Variants in UGT3A2 observed in about 807,000 individuals in gnomAD.
UGT3A2 encodes UDP glycosyltransferase family 3 member A2, also known as UDP-glycosyltransferase 3A2.
UGT3A2 carries 32 observed loss-of-function variants against 39.8 expected under a neutral mutation model. The ratio of observed to expected loss-of-function variants is 0.80; its 90% CI spans 0.61 to 1.08. UGT3A2 has a LOEUF of 1.08. Ranked by LOEUF, UGT3A2 falls within the 50% of genes least tolerant of loss-of-function variation. The pLI is 0.00. For synonymous variants in UGT3A2, 241 were observed against 230.7 expected, an observed-to-expected ratio of 1.04 and a Z score of -0.40; for missense variants, 611 against 637.1, an observed-to-expected ratio of 0.96 and a Z score of 0.44.
chr5:36,055,232 T>TTTTG (rs377128182), intron 2 of UGT3A2, among the ~76,000 whole-genome samples: 101,537 of 151,086 alleles, frequency 0.67, 35,257 homozygotes, highest in Non-Finnish European at 0.75. Flanking sequence ...GCAGTTTGTT[T>TTTTG]TTTTTTTTCT....
chr5:36,054,927 T>G (rs1742457718), intron 2 of UGT3A2, among the ~76,000 whole-genome samples: 1 of 151,952 alleles, frequency 6.6e-6, no homozygotes, highest in Non-Finnish European at 1.5e-5. Context: ...ATCTGGGGAG[T>G]TCAACAGCCC....
intron 1 of UGT3A2, among the ~76,000 whole-genome samples, chr5:36,065,519 G>A (rs1371621105): frequency 6.6e-6 from 1 of 152,138 alleles, no homozygotes; most frequent in Non-Finnish European, 1.5e-5. Context: ...TGGAGCCTGA[G>A]GAAGGAGGGC....
At position 36,040,892 on chromosome 5, in the gene UGT3A2, C is replaced by T. The variant is rs550209483; in HGVS notation, c.844-1184G>A. On this transcript the variant is annotated intron_variant, in intron 4 of 6. Transcript: ENST00000282507. ...GCAGCTCAGAGCTCCAGGAGAGACT[C>T]CTTCCTCCAGGAGAGGAGAGGGAAG... is the stretch of plus-strand genomic sequence containing the variant. Among the ~76,000 whole-genome samples, 8 of 152,008 alleles carry T rather than the reference C, an allele frequency of 5.3e-5. No homozygotes were observed. In the South Asian group the frequency reaches 1.7e-3, roughly 32 times the overall value.
intron 2 of UGT3A2, among the ~76,000 whole-genome samples, chr5:36,060,039 C>T (rs1742638648): frequency 6.6e-6 from 1 of 152,188 alleles, no homozygotes; most frequent in African/African-American, 2.4e-5. Flanking sequence ...GTCACACTCA[C>T]ATCAACCCCC....
intron 2 of UGT3A2, among the ~76,000 whole-genome samples, chr5:36,057,517 TTCTC>T (rs148807603): frequency 0.047 from 7,021 of 149,754 alleles, 225 homozygotes; most frequent in East Asian, 0.12. Context: ...TTTCAGTAGT[TTCTC>T]TCTCTCTCTC....
intron 3 of UGT3A2, among the ~76,000 whole-genome samples, chr5:36,050,724 T>C (rs1490447567): frequency 1.3e-5 from 2 of 152,114 alleles, no homozygotes; most frequent in African/African-American, 4.8e-5. Flanking sequence ...TAGCTGGGCA[T>C]GGTGGCACAC....
intron 3 of UGT3A2, among the ~76,000 whole-genome samples, chr5:36,051,110 G>A (rs1021414257): frequency 5.9e-5 from 9 of 152,170 alleles, no homozygotes; most frequent in African/African-American, 2.2e-4. Flanking sequence ...AGAACGTGGT[G>A]TTCCAGCTTG....
At chr5:36,066,080 A>G (rs1742870352) in intron 1 of UGT3A2, among the ~76,000 whole-genome samples, 1 of 152,210 alleles carries the variant, frequency 6.6e-6, no homozygotes, top group Non-Finnish European at 1.5e-5. Flanking sequence ...AGGTAAAAGG[A>G]AAGATACTCC....
intron 2 of UGT3A2, 138 bp from the exon 3 acceptor site, chr5:36,052,122 C>T (rs985077303): frequency 3.0e-5 from 18 of 608,282 alleles, no homozygotes; most frequent in African/African-American, 1.3e-4. Context: ...TTAATGTATG[C>T]GTTTATTTAT....
intron 2 of UGT3A2, among the ~76,000 whole-genome samples, chr5:36,060,563 G>T (rs1742660557): frequency 6.6e-6 from 1 of 152,196 alleles, no homozygotes; most frequent in African/African-American, 2.4e-5. Flanking sequence ...AAGCTCAGCG[G>T]CTGCCTTTGC....
chr5:36,040,006 T>G (rs1178658100), intron 4 of UGT3A2, among the ~76,000 whole-genome samples: 1 of 152,110 alleles, frequency 6.6e-6, no homozygotes, highest in Non-Finnish European at 1.5e-5. Flanking sequence ...GAGGTAATAG[T>G]ATCTGGAAGA....
intron 3 of UGT3A2, among the ~76,000 whole-genome samples, chr5:36,051,155 T>C (rs1482926269): frequency 6.6e-6 from 1 of 152,068 alleles, no homozygotes; most frequent in Non-Finnish European, 1.5e-5. Flanking sequence ...AAAGTCAGAT[T>C]TGAGCACTAC....
intron 2 of UGT3A2, 22 bp downstream of exon 2, chr5:36,064,227 C>A: frequency 1.2e-6 from 2 of 1,608,722 alleles, no homozygotes; most frequent in South Asian, 1.1e-5. Context: ...TAGGAGAAAT[C>A]AAGAAAAGTG....
chr5:36,039,032 G>A (rs1050199383), intron 5 of UGT3A2, among the ~76,000 whole-genome samples: 3 of 152,220 alleles, frequency 2.0e-5, no homozygotes, highest in African/African-American at 7.2e-5. Flanking sequence ...AAGAGGATGT[G>A]TCCATATTTA....
Position 36,066,878 on chromosome 5 carries a change from G to A in UGT3A2, c.-89C>T, listed in dbSNP as rs949248364. 4.1e-6 allele frequency: 6 copies of A among 1,474,832 alleles called. No homozygotes were observed. The African/African-American group carries it at 8.3e-5, about 21-fold the overall frequency. The allele number at this position is 1,474,832 out of a possible 1,614,324, so 91.4% of individuals were successfully genotyped here. ...CCCTGTGCACCTCAGTGCGCCAAAG[G>A]CACTGGCTGTGGGTAGAGGTAGGAG... On this transcript the variant is annotated 5_prime_UTR_variant, in exon 1 of 7. Transcript: ENST00000282507.
intron 2 of UGT3A2, among the ~76,000 whole-genome samples, chr5:36,058,072 C>T (rs921020): frequency 0.71 from 108,362 of 152,108 alleles, 39,724 homozygotes; most frequent in Non-Finnish European, 0.8. Flanking sequence ...CTCAAAAAGA[C>T]ATTTGTATAC....
At chr5:36,039,050 A>C (rs938895061) in intron 5 of UGT3A2, among the ~76,000 whole-genome samples, 2 of 152,194 alleles carry the variant, frequency 1.3e-5, no homozygotes, top group African/African-American at 4.8e-5. Context: ...TTATGTGTGG[A>C]TGTGTGTTTG....
intron 2 of UGT3A2, among the ~76,000 whole-genome samples, chr5:36,053,637 A>G (rs1742418737): frequency 6.6e-6 from 1 of 152,124 alleles, no homozygotes; most frequent in Non-Finnish European, 1.5e-5. Flanking sequence ...TCAGTTTCCT[A>G]TTGCTGCTTT....
rs1741876490 is a variant in UGT3A2 at position 36,037,809 on chromosome 5, A to G, written c.1283T>C (p.Met428Thr). The change falls in exon 6 of 7, where the codon ATG becomes ACG. Residue 428 changes from methionine (M) to threonine (T), a missense_variant. Transcript: ENST00000282507. Reference sequence around the variant, plus strand: ...AGGAGCTGCATACCTCTTGTCTTCCATGATTTGTTTCATCTTAAGAGCCAA... The same window carrying G: ...AGGAGCTGCATACCTCTTGTCTTCCGTGATTTGTTTCATCTTAAGAGCCAA... ...ETLALKMKQIMEDKRYKSAAV... is the reference protein window; with the variant it reads ...ETLALKMKQITEDKRYKSAAV... 2 of 1,614,188 alleles carry G rather than the reference A, an allele frequency of 1.2e-6. No homozygotes were observed. The highest frequency in any genetic ancestry group is 1.3e-5 in the African/African-American group (1 of 75,058).
Sources: allele counts gnomAD v4.1 joint callset (sites outside exome capture counted in the v4.1 genomes callset), GRCh38; gene constraint gnomAD v4.1.1; transcripts MANE v1.5; gene names NCBI Gene and HGNC (gene_info 2026-07-23, HGNC 2026-07-21).